The following CSNK1G1 variants were observed in gnomAD, a reference collection of about 807,000 sequenced individuals.
The protein encoded by CSNK1G1 is casein kinase I isoform gamma-1.
A neutral mutation model predicts 59.6 loss-of-function variants in CSNK1G1; 22 were observed. That is an observed-to-expected ratio of 0.37 (90% CI 0.26 to 0.53). The LOEUF is 0.53. CSNK1G1 is among the 20% of genes least tolerant of loss of function. The probability of loss-of-function intolerance (pLI) is 0.89; values close to 1 mark genes in which losing one functional copy is unlikely to be tolerated. For missense variants in CSNK1G1, 384 were observed against 519.5 expected (o/e 0.74, Z 2.54); for synonymous variants, 179 against 177.1 (o/e 1.01, Z -0.08).
At chr15:64,333,167 G>C (rs530401051) in intron 1 of CSNK1G1, among the ~76,000 whole-genome samples, 61 of 134,986 alleles carry the variant, frequency 4.5e-4, no homozygotes, top group Non-Finnish European at 8.7e-4. Context: ...TGAGACAGGT[G>C]AATCACTTGA....
At chr15:64,225,006 CTTTT>C (rs750533422) in intron 4 of CSNK1G1, among the ~76,000 whole-genome samples, 1 of 121,848 alleles carries the variant, frequency 8.2e-6, no homozygotes, top group Non-Finnish European at 1.7e-5. Context: ...ATACACTTTT[CTTTT>C]TTTTTTTTTT....
chr15:64,312,322 G>C (rs951440163), intron 1 of CSNK1G1, among the ~76,000 whole-genome samples: 2 of 152,126 alleles, frequency 1.3e-5, no homozygotes, highest in Non-Finnish European at 2.9e-5. Context: ...AAAGAACAAA[G>C]CTGGAGGCAT....
chr15:64,193,911 G>A (rs1244262712), intron 10 of CSNK1G1: 1 of 152,206 alleles, frequency 6.6e-6, no homozygotes, highest in Non-Finnish European at 1.5e-5. Context: ...GAACACAGGT[G>A]TCTGCTGAAA....
At chr15:64,271,141 C>T (rs1893280386) in intron 2 of CSNK1G1, among the ~76,000 whole-genome samples, 3 of 152,022 alleles carry the variant, frequency 2.0e-5, no homozygotes, top group Admixed American at 6.6e-5. Context: ...GCATGTACCA[C>T]CACACCTAGC....
intron 2 of CSNK1G1, among the ~76,000 whole-genome samples, chr15:64,295,770 A>G (rs1275739227): frequency 1.3e-5 from 2 of 152,246 alleles, no homozygotes; most frequent in Non-Finnish European, 2.9e-5. Flanking sequence ...TCTTTCTGGA[A>G]TATAAACTAG....
At chr15:64,263,692 G>C (rs1410964558) in intron 2 of CSNK1G1, among the ~76,000 whole-genome samples, 1 of 151,944 alleles carries the variant, frequency 6.6e-6, no homozygotes, top group Non-Finnish European at 1.5e-5. Flanking sequence ...AGCCTTGTCT[G>C]GAGTGCTAAG....
chr15:64,273,905 A>G (rs1893464432), intron 2 of CSNK1G1, among the ~76,000 whole-genome samples: 1 of 152,240 alleles, frequency 6.6e-6, no homozygotes, highest in African/African-American at 2.4e-5. Flanking sequence ...AGAGTAAACA[A>G]TATCATTCCA....
intron 2 of CSNK1G1, among the ~76,000 whole-genome samples, chr15:64,260,364 T>C (rs1892630077): frequency 6.6e-6 from 1 of 151,620 alleles, no homozygotes; most frequent in South Asian, 2.1e-4. Flanking sequence ...CATAGCGGAA[T>C]ATATGTGCGT....
At chr15:64,181,260 T>G in intron 10 of CSNK1G1, 3 of 1,536,074 alleles carry the variant, frequency 2.0e-6, no homozygotes, top group Non-Finnish European at 2.6e-6. Flanking sequence ...GTGAAGGCTC[T>G]CACTCCTGTC....
At chr15:64,344,840 TA>T (rs1379623264) in intron 1 of CSNK1G1, among the ~76,000 whole-genome samples, 3 of 152,226 alleles carry the variant, frequency 2.0e-5, no homozygotes, top group African/African-American at 7.2e-5. Flanking sequence ...ACCATCTCCA[TA>T]TTTTCTTTTA....
intron 4 of CSNK1G1, among the ~76,000 whole-genome samples, chr15:64,233,185 C>T (rs1004506584): frequency 1.1e-4 from 16 of 152,104 alleles, no homozygotes; most frequent in Non-Finnish European, 4.4e-5. Context: ...CAAAATGATG[C>T]GCTGAAAAGG....
intron 1 of CSNK1G1, among the ~76,000 whole-genome samples, chr15:64,346,184 C>A (rs543581386): frequency 6.6e-6 from 1 of 151,568 alleles, no homozygotes; most frequent in Admixed American, 6.6e-5. Context: ...GAATTCAAGA[C>A]CAGACTGGGC....
At chr15:64,266,511 GA>G (rs1038897580) in intron 2 of CSNK1G1, among the ~76,000 whole-genome samples, 1 of 151,072 alleles carries the variant, frequency 6.6e-6, no homozygotes, top group Non-Finnish European at 1.5e-5. Flanking sequence ...CACAGAAAGA[GA>G]AAAAAAAATC....
At chr15:64,271,093 C>T (rs1306235325) in intron 2 of CSNK1G1, among the ~76,000 whole-genome samples, 1 of 151,916 alleles carries the variant, frequency 6.6e-6, no homozygotes, top group Admixed American at 6.6e-5. Flanking sequence ...AGTGATTCTC[C>T]TGACTCAGTC....
chr15:64,316,573 A>C (rs985996926), intron 1 of CSNK1G1, among the ~76,000 whole-genome samples: 11 of 151,580 alleles, frequency 7.3e-5, no homozygotes, highest in Admixed American at 2.0e-4. Flanking sequence ...AAAAAAAGTT[A>C]ATACAGCTTG....
chr15:64,320,007 C>A (rs1364826728), intron 1 of CSNK1G1, among the ~76,000 whole-genome samples: 3 of 136,502 alleles, frequency 2.2e-5, no homozygotes, highest in African/African-American at 8.3e-5. Flanking sequence ...TGGGCTCAAG[C>A]AATCCTCCCA....
At position 64,169,072 on chromosome 15, in the gene CSNK1G1, C is replaced by T. The variant is rs548091507; in HGVS notation, c.*2859G>A. The T allele has an allele frequency of 2.6e-5, 4 of 152,594 alleles. No homozygotes were observed. Among genetic ancestry groups the T allele is most frequent in the South Asian group, 2.1e-4 (1 of 4,822 alleles). The allele number at this position is 152,594 out of a possible 1,614,324, so 9.5% of individuals were successfully genotyped here. A position where few individuals can be genotyped will look rare whatever the true frequency, so the allele number is the denominator to read the frequency against. ...AAAAATTTTAAGACAAAAAAAAAGT[C>T]GCAAATCCAGCTGCAAGGCAGCTTG... On this transcript the variant is annotated 3_prime_UTR_variant, in exon 12 of 12. Coordinates refer to ENST00000303052, the MANE Select transcript of CSNK1G1 (RefSeq NM_022048.5).
chr15:64,300,410 G>T lies in CSNK1G1; in HGVS notation c.90C>A (p.Gly30=). Reference sequence around the variant, plus strand: ...TAAGAACCCCAGAGGACGATGAGGAGCCAGATGGTCGAGAGCAGTGTGCAC... The same window carrying T: ...TAAGAACCCCAGAGGACGATGAGGATCCAGATGGTCGAGAGCAGTGTGCAC... ...QRSAHCSRPS[G]SSSSSGVLMV... Residue 30 remains glycine (G), a synonymous_variant, in exon 2 of 12, where the codon GGC becomes GGA. Coordinates refer to ENST00000303052, the MANE Select transcript of CSNK1G1 (RefSeq NM_022048.5). 6.2e-7 allele frequency: 1 copy of T among 1,614,180 alleles called. No homozygotes were observed. Among genetic ancestry groups the T allele is most frequent in the South Asian group, 1.1e-5 (1 of 91,088 alleles).
At chr15:64,328,452 A>C (rs1401862763) in intron 1 of CSNK1G1, among the ~76,000 whole-genome samples, 2 of 97,568 alleles carry the variant, frequency 2.0e-5, no homozygotes, top group African/African-American at 4.1e-5. Flanking sequence ...GAAATAAAAT[A>C]CTTTACAGAC....
Sources: gnomAD v4.1 joint callset for allele counts (sites outside exome capture counted in the v4.1 genomes callset) on GRCh38, gnomAD v4.1.1 for gene constraint, MANE v1.5 for transcripts, NCBI Gene and HGNC (gene_info 2026-07-23, HGNC 2026-07-21) for gene names.